Variants in POU2F1 observed in about 807,000 individuals in gnomAD.
POU2F1 encodes POU class 2 homeobox 1.
In POU2F1, 16 loss-of-function variants were observed where a neutral mutation model predicts 84.9. That is an observed-to-expected ratio of 0.19 (90% confidence interval 0.13 to 0.29). The LOEUF is 0.29. Ranked by LOEUF, POU2F1 falls within the 10% of genes least tolerant of loss-of-function variation. POU2F1 has a pLI of 1.00. For missense variants in POU2F1, 738 were observed against 942.6 expected (o/e 0.78, Z 2.84); for synonymous variants, 368 against 368.3 (o/e 1.00, Z 0.01).
At chr1:167,340,435 T>TTC (rs1231605758) in intron 2 of POU2F1, among the ~76,000 whole-genome samples, 1 of 143,618 alleles carries the variant, frequency 7.0e-6, no homozygotes, top group Admixed American at 6.9e-5. Flanking sequence ...TTTTTTCTTT[T>TTC]TTTTTTTTTT....
At chr1:167,223,291 G>C (rs949092707) in intron 1 of POU2F1, among the ~76,000 whole-genome samples, 2 of 152,174 alleles carry the variant, frequency 1.3e-5, no homozygotes, top group Non-Finnish European at 2.9e-5. Context: ...TAAGTTGTCA[G>C]AATTGATGTT....
intron 1 of POU2F1, among the ~76,000 whole-genome samples, chr1:167,295,072 A>G (rs182562602): frequency 3.3e-5 from 5 of 152,054 alleles, no homozygotes; most frequent in Admixed American, 6.5e-5. Context: ...CAGTGAGCCG[A>G]GATCACGCCA....
intron 2 of POU2F1, among the ~76,000 whole-genome samples, chr1:167,365,143 C>G (rs1242971890): frequency 6.6e-6 from 1 of 152,158 alleles, no homozygotes; most frequent in East Asian, 1.9e-4. Context: ...CTCAGGGTGT[C>G]TTTGAACTCT....
intron 3 of POU2F1, among the ~76,000 whole-genome samples, chr1:167,365,812 A>G (rs1033358482): frequency 3.3e-5 from 5 of 152,216 alleles, no homozygotes; most frequent in Non-Finnish European, 7.3e-5. Context: ...TGTGTATAAC[A>G]ACTGGTTTAT....
In POU2F1 at chr1:167,415,821, G is replaced by A. The variant is rs2101953654; in HGVS notation, c.*11G>A. 6.2e-7 allele frequency: 1 copy of A among 1,607,564 alleles called. No individual in the cohort carries two copies. The highest frequency in any genetic ancestry group is 8.5e-7 in the Non-Finnish European group (1 of 1,176,258). On this transcript the variant is annotated 3_prime_UTR_variant, in exon 16 of 16. Coordinates refer to ENST00000367866, the MANE Select transcript of POU2F1 (RefSeq NM_002697.4). Reference sequence around the variant, plus strand: ...TCCAAGGCACAGTGAGCTGGGCAGAGCTGGGCTGCCAGAAGCCTTTTTCAC... The same window carrying A: ...TCCAAGGCACAGTGAGCTGGGCAGAACTGGGCTGCCAGAAGCCTTTTTCAC...
At chr1:167,222,644 A>G (rs1418894129) in intron 1 of POU2F1, among the ~76,000 whole-genome samples, 1 of 151,978 alleles carries the variant, frequency 6.6e-6, no homozygotes, top group Admixed American at 6.6e-5. Context: ...TACCTCCACC[A>G]ACTTCCACAC....
chr1:167,308,018 A>ATG (rs1367370112), intron 1 of POU2F1, among the ~76,000 whole-genome samples: 3 of 151,136 alleles, frequency 2.0e-5, no homozygotes, highest in Non-Finnish European at 4.4e-5. Flanking sequence ...TCATAGAGTG[A>ATG]TGCTGTATTC....
chr1:167,392,616 T>C (rs1286614663), intron 9 of POU2F1, among the ~76,000 whole-genome samples: 2 of 152,222 alleles, frequency 1.3e-5, no homozygotes, highest in East Asian at 3.8e-4. Flanking sequence ...GCCAGTGTTA[T>C]GTTTTTCTCT....
intron 1 of POU2F1, among the ~76,000 whole-genome samples, chr1:167,302,549 G>A (rs1326440331): frequency 3.3e-5 from 5 of 152,068 alleles, no homozygotes; most frequent in Admixed American, 1.3e-4. Flanking sequence ...GAGCCACCGC[G>A]CCTGGCCAAC....
chr1:167,242,713 G>T (rs1650000761), intron 1 of POU2F1, among the ~76,000 whole-genome samples: 1 of 152,170 alleles, frequency 6.6e-6, no homozygotes, highest in Admixed American at 6.5e-5. Context: ...GTGAGATGTT[G>T]TTTTTACTAG....
At chr1:167,288,658 G>A (rs889044073) in intron 1 of POU2F1, among the ~76,000 whole-genome samples, 13 of 152,148 alleles carry the variant, frequency 8.5e-5, no homozygotes, top group Non-Finnish European at 1.2e-4. Flanking sequence ...CTGCACTCCA[G>A]CCTGGGTGAC....
At chr1:167,301,496 GC>G (rs1374747130) in intron 1 of POU2F1, among the ~76,000 whole-genome samples, 4 of 152,214 alleles carry the variant, frequency 2.6e-5, no homozygotes, top group Non-Finnish European at 5.9e-5. Flanking sequence ...AGCCAGTACA[GC>G]CTCTTTGCCA....
intron 10 of POU2F1, chr1:167,396,724 A>G (rs1648836595): frequency 1.7e-5 from 4 of 242,236 alleles, no homozygotes; most frequent in African/African-American, 9.0e-5. Context: ...AAGGAATAGG[A>G]TAAGTAAGGC....
intron 2 of POU2F1, among the ~76,000 whole-genome samples, chr1:167,348,284 T>G (rs1244832665): frequency 6.6e-6 from 1 of 152,186 alleles, no homozygotes; most frequent in Non-Finnish European, 1.5e-5. Flanking sequence ...AAATAGGGTA[T>G]TATAATCATG....
At chr1:167,414,231 A>T in intron 15 of POU2F1, 1 of 764,874 alleles carries the variant, frequency 1.3e-6, no homozygotes, top group Non-Finnish European at 1.6e-6. Context: ...TTATATAATA[A>T]TTTTTTTTTG....
At position 167,315,806 on chromosome 1, in the gene POU2F1, TA is replaced by T. The variant is rs537847447; in HGVS notation, c.62-16650del. Among the ~76,000 whole-genome samples the T allele has an allele frequency of 3.9e-3, 535 of 136,388 alleles. 2 individuals carry two copies. Among genetic ancestry groups the T allele is most frequent in the African/African-American group, 7.0e-3 (265 of 37,810 alleles). 89.5% of individuals were successfully genotyped at this position (136,388 alleles called of 152,430 possible). A position where few individuals can be genotyped will look rare whatever the true frequency, so the allele number is the denominator to read the frequency against. Reference sequence around the variant, plus strand: ...GCAACAGAGAGATACCCCATCTCTTTAAAAAAAAAAAAAACCCTGAAATTAA... The same window carrying T: ...GCAACAGAGAGATACCCCATCTCTTTAAAAAAAAAAAAACCCTGAAATTAA... On this transcript the variant is annotated intron_variant, in intron 1 of 15. Coordinates refer to ENST00000367866, the MANE Select transcript of POU2F1 (RefSeq NM_002697.4).
intron 1 of POU2F1, 84 bp from the exon 2 acceptor site, chr1:167,332,386 T>G: frequency 1.0e-6 from 1 of 1,003,466 alleles, no homozygotes; most frequent in Non-Finnish European, 1.6e-6. Context: ...TAGTTAACCC[T>G]TTTCTCTGCC....
chr1:167,308,318 C>T (rs564093175), intron 1 of POU2F1, among the ~76,000 whole-genome samples: 5 of 152,120 alleles, frequency 3.3e-5, no homozygotes, highest in Middle Eastern at 3.4e-3. Context: ...CCGCCTGCCT[C>T]GGCCTCCCAA....
intron 1 of POU2F1, among the ~76,000 whole-genome samples, chr1:167,278,653 T>G (rs1652907811): frequency 6.6e-6 from 1 of 152,218 alleles, no homozygotes; most frequent in Non-Finnish European, 1.5e-5. Context: ...TCTGTTCAGA[T>G]TGTCTGGGAA....
Sources: allele counts gnomAD v4.1 joint callset (sites outside exome capture counted in the v4.1 genomes callset), GRCh38; gene constraint gnomAD v4.1.1; transcripts MANE v1.5; gene names NCBI Gene and HGNC (gene_info 2026-07-23, HGNC 2026-07-21).